Variants in PEX13 observed in about 807,000 individuals in gnomAD.
PEX13 encodes the protein peroxisome biogenesis factor 13.
PEX13 carries 28 observed loss-of-function variants against 34.5 expected under a neutral mutation model. The observed-to-expected ratio is 0.81, with a 90% confidence interval of 0.60 to 1.11. The LOEUF is 1.11. PEX13 is among the 50% of genes most tolerant of loss of function. The pLI is 0.00. For synonymous variants in PEX13, 177 were observed against 175.1 expected (o/e 1.01, Z -0.09); for missense variants, 550 against 491.0 (o/e 1.12, Z -1.13).
intron 1 of PEX13, 54 bp downstream of exon 1, chr2:61,017,905 G>A (rs562263481): frequency 2.0e-6 from 3 of 1,511,726 alleles, no homozygotes; most frequent in African/African-American, 2.8e-5. Flanking sequence ...CGGGGACTTG[G>A]CAGGAGGCGG....
intron 1 of PEX13, among the ~76,000 whole-genome samples, chr2:61,030,307 C>T (rs961342441): frequency 3.3e-5 from 5 of 152,086 alleles, no homozygotes; most frequent in East Asian, 3.8e-4. Context: ...TGAGGACAAA[C>T]GTACATCAGG....
chr2:61,036,745 A>G (rs1022389196), intron 2 of PEX13, among the ~76,000 whole-genome samples: 10 of 152,226 alleles, frequency 6.6e-5, no homozygotes, highest in Admixed American at 5.2e-4. Flanking sequence ...AGTTAACATC[A>G]TAATGAATGA....
chr2:61,037,599 G>C (rs2104807443), intron 2 of PEX13, among the ~76,000 whole-genome samples: 1 of 152,244 alleles, frequency 6.6e-6, no homozygotes, highest in Non-Finnish European at 1.5e-5. Context: ...AGAATCTCTG[G>C]GACACATTTA....
At chr2:61,037,526 A>T (rs367618292) in intron 2 of PEX13, among the ~76,000 whole-genome samples, 1 of 152,336 alleles carries the variant, frequency 6.6e-6, no homozygotes, top group Non-Finnish European at 1.5e-5. Context: ...CTACTGGGTA[A>T]ATAACGAAAT....
intron 2 of PEX13, among the ~76,000 whole-genome samples, chr2:61,037,876 AAAG>A (rs1271400512): frequency 6.6e-6 from 1 of 152,178 alleles, no homozygotes; most frequent in Non-Finnish European, 1.5e-5. Context: ...CTAATAAAGA[AAAG>A]AGAGAAGAAT....
rs1259724216 is a variant in PEX13 at position 61,031,512 on chromosome 2, G to T, written c.186G>T (p.Gln62His). The change falls in exon 2 of 4, where the codon CAG becomes CAT. Residue 62 changes from glutamine to histidine, a missense_variant. By Grantham distance (24) the Gln-to-His change is conservative (BLOSUM62 0). Transcript: ENST00000295030. ...PPPILPRPSQ[Q>H]TGSSSVNTFR... ...CTATTCTTCCAAGGCCATCACAGCA[G>T]ACAGGAAGTAGCAGTGTGAACACTT... 3 of 1,614,040 alleles carry T rather than the reference G, an allele frequency of 1.9e-6. No homozygotes were observed. Among genetic ancestry groups the T allele is most frequent in the Non-Finnish European group, 2.5e-6 (3 of 1,180,010 alleles).
intron 2 of PEX13, among the ~76,000 whole-genome samples, chr2:61,035,382 A>C (rs772889065): frequency 1.3e-5 from 2 of 152,194 alleles, no homozygotes; most frequent in Non-Finnish European, 2.9e-5. Context: ...CAGAGCAGAA[A>C]ACCTGAAAAT....
intron 1 of PEX13, chr2:61,018,140 G>A (rs758804663): frequency 1.3e-6 from 2 of 1,549,866 alleles, no homozygotes; most frequent in African/African-American, 1.4e-5. Flanking sequence ...CCTACCTACC[G>A]CTTCTGTTTT....
chr2:61,051,641 C>A lies in PEX13; in HGVS notation c.*2871C>A, dbSNP rs1048520331. On this transcript the variant is annotated 3_prime_UTR_variant, in exon 4 of 4. Transcript: ENST00000295030. The stretch of plus-strand genomic sequence containing the variant: ...AAGGCTCCAATATTATTTTTAGGAA[C>A]TTATTTAAGGAGTGCTACTTTACAG... The A allele has an allele frequency of 1.3e-5, 2 of 152,124 alleles. No individual in the cohort carries two copies. Among genetic ancestry groups the A allele is most frequent in the African/African-American group, 4.8e-5 (2 of 41,392 alleles). 9.4% of individuals were successfully genotyped at this position (152,124 alleles called of 1,614,324 possible).
rs560722472 is a variant in PEX13, at chr2:61,035,328, A to C, written c.787+3215A>C. ...AAAACCCCATTTGTAGGTTGCCAAC[A>C]TCAAAGACCAAAGGTAGATAAAACT... On this transcript the variant is annotated intron_variant, in intron 2 of 3. Coordinates refer to ENST00000295030, the MANE Select transcript of PEX13 (RefSeq NM_002618.4). Among the ~76,000 whole-genome samples the C allele has an allele frequency of 5.3e-5, 8 of 152,336 alleles. No homozygotes were observed. The South Asian group carries it at 8.3e-4, about 16-fold the overall frequency.
rs1471254251 is a variant in PEX13 at position 61,032,017 on chromosome 2, G to A, written c.691G>A (p.Ala231Thr). ...TGCTGAGGACCGAGCAGCTACCTCA[G>A]CAAAATCTTGGCCAATATTCTTGTT... ...LGAEDRAATS[A>T]KSWPIFLFFA... is the part of the protein sequence containing the mutation. Residue 231 changes from alanine to threonine, a missense_variant, in exon 2 of 4, where the codon GCA (alanine) becomes ACA (threonine). Ala to Thr is a moderately conservative substitution (Grantham distance 58). Transcript: ENST00000295030. 3.7e-6 allele frequency: 6 copies of A among 1,613,512 alleles called. No individual in the cohort carries two copies. In the Admixed American group the frequency reaches 1.0e-4, roughly 27 times the overall value.
At chr2:61,020,039 C>T (rs747800466) in intron 1 of PEX13, among the ~76,000 whole-genome samples, 3 of 152,040 alleles carry the variant, frequency 2.0e-5, no homozygotes, top group African/African-American at 7.2e-5. Context: ...CTGGCTAACT[C>T]GGAGAAACCC....
At chr2:61,044,037 A>G (rs1680666915) in intron 2 of PEX13, among the ~76,000 whole-genome samples, 1 of 151,298 alleles carries the variant, frequency 6.6e-6, no homozygotes, top group South Asian at 2.1e-4. Context: ...GCAACCTCAC[A>G]CTCTTGGGCT....
rs769302153 is a variant in PEX13, at chr2:61,048,464, T to C, written c.914-8T>C. 2 of 1,612,444 alleles carry C rather than the reference T, an allele frequency of 1.2e-6. No individual in the cohort carries two copies. The highest frequency in any genetic ancestry group is 2.2e-5 in the South Asian group (2 of 91,060). On this transcript the variant is annotated splice_polypyrimidine_tract_variant and splice_region_variant and intron_variant, in intron 3 of 3. Transcript: ENST00000295030. ...TGTAATTACAAGACTGTCTTTTTTTTCCATCAGAACAACAACCCAAAGTGC... is the reference window on the plus strand; with the variant it reads ...TGTAATTACAAGACTGTCTTTTTTTCCCATCAGAACAACAACCCAAAGTGC...
chr2:61,041,493 T>G (rs1420661959), intron 2 of PEX13, among the ~76,000 whole-genome samples: 3 of 152,144 alleles, frequency 2.0e-5, no homozygotes, highest in African/African-American at 7.2e-5. Context: ...TGATGTAAGG[T>G]TCTACAATAA....
At chr2:61,039,909 C>G (rs1680594282) in intron 2 of PEX13, among the ~76,000 whole-genome samples, 1 of 151,958 alleles carries the variant, frequency 6.6e-6, no homozygotes, top group African/African-American at 2.4e-5. Context: ...AAAAAACAAC[C>G]CCATCAAAAA....
In PEX13 at chr2:61,051,236, A is replaced by G. The variant is rs1379626085; in HGVS notation, c.*2466A>G. The G allele has an allele frequency of 6.6e-6, 1 of 152,368 alleles. No individual in the cohort carries two copies. Among genetic ancestry groups the G allele is most frequent in the Non-Finnish European group, 1.5e-5 (1 of 68,042 alleles). The allele number at this position is 152,368 out of a possible 1,614,324, so 9.4% of individuals were successfully genotyped here. A position where few individuals can be genotyped will look rare whatever the true frequency, so the allele number is the denominator to read the frequency against. The stretch of plus-strand genomic sequence containing the variant: ...TTTTTCATTTGTGTTCTACAATTAA[A>G]GGTTCTGCTTTGATTTGTCAGATAA... On this transcript the variant is annotated 3_prime_UTR_variant, in exon 4 of 4. Transcript: ENST00000295030.
chr2:61,040,170 A>G (rs1006326641), intron 2 of PEX13, among the ~76,000 whole-genome samples: 1 of 152,156 alleles, frequency 6.6e-6, no homozygotes, highest in Non-Finnish European at 1.5e-5. Flanking sequence ...ATTGTGGAAG[A>G]CAGTGTGGCG....
intron 2 of PEX13, among the ~76,000 whole-genome samples, chr2:61,042,746 T>G (rs1680644833): frequency 6.6e-6 from 1 of 152,218 alleles, no homozygotes; most frequent in Non-Finnish European, 1.5e-5. Context: ...GAAACCTGTT[T>G]ACTCATGGTC....
Sources: allele counts gnomAD v4.1 joint callset (sites outside exome capture counted in the v4.1 genomes callset), GRCh38; gene constraint gnomAD v4.1.1; transcripts MANE v1.5; gene names NCBI Gene and HGNC (gene_info 2026-07-23, HGNC 2026-07-21).